Variants in DGKB observed in about 807,000 individuals in gnomAD.
DGKB encodes the protein 90 kDa diacylglycerol kinase.
DGKB carries 67 observed loss-of-function variants against 114.3 expected under a neutral mutation model. That is an observed-to-expected ratio of 0.59 (90% CI 0.48 to 0.72). The LOEUF (loss-of-function observed/expected upper bound fraction) is 0.72. Among genes scored for constraint, DGKB ranks in the 30% least tolerant of loss-of-function variants. The probability of loss-of-function intolerance (pLI) is 0.00; values close to 1 mark genes in which losing one functional copy is unlikely to be tolerated. For synonymous variants in DGKB, 398 were observed against 323.1 expected (o/e 1.23, Z -2.49); for missense variants, 907 against 975.2 (o/e 0.93, Z 0.93).
intron 23 of DGKB, among the ~76,000 whole-genome samples, chr7:14,295,521 T>C (rs539750813): frequency 2.4e-4 from 36 of 152,192 alleles, no homozygotes; most frequent in African/African-American, 8.7e-4. Context: ...TCCTTATATC[T>C]GTTTCCTGCC....
intron 23 of DGKB, among the ~76,000 whole-genome samples, chr7:14,335,495 G>C (rs1311056115): frequency 1.3e-5 from 2 of 152,048 alleles, no homozygotes; most frequent in Non-Finnish European, 2.9e-5. Context: ...AGAGGCATAT[G>C]AGAAACAGTG....
At chr7:14,555,831 C>A (rs576803125) in intron 20 of DGKB, among the ~76,000 whole-genome samples, 1 of 152,260 alleles carries the variant, frequency 6.6e-6, no homozygotes, top group African/African-American at 2.4e-5. Flanking sequence ...TTACAGTTGA[C>A]AAATGCCATG....
chr7:14,621,284 T>G lies in DGKB; in HGVS notation c.1284+94A>C, dbSNP rs182121573. 2,227 of 722,798 alleles carry G rather than the reference T, an allele frequency of 3.1e-3. 14 individuals are homozygous for G. Among genetic ancestry groups the G allele is most frequent in the South Asian group, 9.4e-3 (549 of 58,208 alleles). The allele number at this position is 722,798 out of a possible 1,614,324, so 44.8% of individuals were successfully genotyped here. On this transcript the variant is annotated intron_variant, in intron 15 of 25. Transcript: ENST00000402815. ...GAGTCTACTAAGCTAATATGCAGAT[T>G]AAACAAATGTGTTGATAGCTGAACA...
At chr7:14,447,302 C>T (rs1361524409) in intron 21 of DGKB, among the ~76,000 whole-genome samples, 1 of 152,052 alleles carries the variant, frequency 6.6e-6, no homozygotes, top group Non-Finnish European at 1.5e-5. Flanking sequence ...CTTAATAAAT[C>T]CTACTCTGTC....
At chr7:14,528,930 T>A (rs191764134) in intron 20 of DGKB, among the ~76,000 whole-genome samples, 5 of 151,924 alleles carry the variant, frequency 3.3e-5, no homozygotes, top group Non-Finnish European at 1.5e-5. Context: ...AAAAGGAAGG[T>A]CAAAAAAGAT....
rs1172638010 is a variant in DGKB at position 14,757,699 on chromosome 7, C to G, written c.103G>C (p.Glu35Gln). 10 of 1,605,714 alleles carry G rather than the reference C, an allele frequency of 6.2e-6. No homozygotes were observed. Among genetic ancestry groups the G allele is most frequent in the Admixed American group, 1.7e-5 (1 of 59,384 alleles). The change falls in exon 3 of 26, where the codon GAA becomes CAA. Residue 35 changes from glutamate to glutamine, a missense_variant. Glu to Gln is a conservative substitution (Grantham distance 29). Around this residue, in one of 3 missense-constraint regions of DGKB, gnomAD observed 814 missense variants for 856.6 expected, o/e 0.95. Coordinates refer to ENST00000402815, the MANE Select transcript of DGKB (RefSeq NM_001350709.2). ...GCAAGCACACCATTACCATGGAATTCTTCAAGAACATCCTTTAATTTCTTT... is the reference window on the plus strand; with the variant it reads ...GCAAGCACACCATTACCATGGAATTGTTCAAGAACATCCTTTAATTTCTTT... ...STKKLKDVLE[E>Q]FHGNGVLAKY...
At position 14,149,164 on chromosome 7, in the gene DGKB, G is replaced by T; in HGVS notation, c.2379C>A (p.Leu793=). The change falls in exon 26 of 26, where the codon CTC becomes CTA. Residue 793 remains leucine (L), a synonymous_variant. Transcript: ENST00000402815. ...PPPKTGLFCS[L]VKRTRNRSKE Reference sequence around the variant, plus strand: ...TGCTTCGGTTTCTTGTCCTTTTGACGAGGGAGCAGAATAAACCGGTTTTTG... The same window carrying T: ...TGCTTCGGTTTCTTGTCCTTTTGACTAGGGAGCAGAATAAACCGGTTTTTG... 1 of 1,613,488 alleles carries T rather than the reference G, an allele frequency of 6.2e-7. No homozygotes were observed. The highest frequency in any genetic ancestry group is 8.5e-7 in the Non-Finnish European group (1 of 1,179,544).
At chr7:14,149,293 T>C (rs1438413092) in intron 25 of DGKB, 55 bp from the exon 26 acceptor site, 2 of 1,309,804 alleles carry the variant, frequency 1.5e-6, no homozygotes, top group African/African-American at 2.9e-5. Flanking sequence ...TCCAGATAGA[T>C]ACAATACCAA....
intron 12 of DGKB, among the ~76,000 whole-genome samples, chr7:14,678,560 G>C (rs1386189119): frequency 6.6e-6 from 1 of 151,940 alleles, no homozygotes; most frequent in Non-Finnish European, 1.5e-5. Context: ...ATTATATACA[G>C]TTATGTTTAG....
chr7:14,935,724 C>T (rs959517780), intron 1 of DGKB, among the ~76,000 whole-genome samples: 2 of 152,002 alleles, frequency 1.3e-5, no homozygotes, highest in African/African-American at 4.8e-5. Flanking sequence ...CTCTTCTCTC[C>T]TTTCCTCTCC....
chr7:14,593,945 GACCA>G (rs1346975941), intron 17 of DGKB, among the ~76,000 whole-genome samples: 1 of 151,940 alleles, frequency 6.6e-6, no homozygotes, highest in Non-Finnish European at 1.5e-5. Flanking sequence ...ACTTTGAAAT[GACCA>G]ATCTGCCTTT....
chr7:14,349,809 T>G (rs1813123869), intron 21 of DGKB, among the ~76,000 whole-genome samples: 1 of 152,126 alleles, frequency 6.6e-6, no homozygotes, highest in Non-Finnish European at 1.5e-5. Context: ...ATGATTCACA[T>G]TAGAAAATGA....
intron 23 of DGKB, among the ~76,000 whole-genome samples, chr7:14,324,771 G>A (rs920249370): frequency 1.3e-5 from 2 of 151,956 alleles, no homozygotes; most frequent in Non-Finnish European, 2.9e-5. Flanking sequence ...GCGAGAACAA[G>A]ATACATATTC....
intron 13 of DGKB, among the ~76,000 whole-genome samples, chr7:14,671,484 A>G (rs998342996): frequency 3.3e-5 from 5 of 152,224 alleles, no homozygotes; most frequent in African/African-American, 1.2e-4. Flanking sequence ...AACAGCAATG[A>G]AAGATTTTTC....
chr7:14,675,382 T>C (rs764905935), intron 12 of DGKB, among the ~76,000 whole-genome samples: 51 of 152,006 alleles, frequency 3.4e-4, no homozygotes, highest in Non-Finnish European at 5.3e-4. Context: ...GGGTTACTGA[T>C]GTAAGAAAGG....
chr7:14,753,975 C>T (rs755205714), intron 3 of DGKB, 27 bp from the exon 4 acceptor site: 11 of 1,468,432 alleles, frequency 7.5e-6, no homozygotes, highest in Non-Finnish European at 9.4e-6. Context: ...AGAAAGAATA[C>T]ATGTGTTAAT....
At chr7:14,701,342 T>C (rs556185445) in intron 7 of DGKB, among the ~76,000 whole-genome samples, 8 of 152,242 alleles carry the variant, frequency 5.3e-5, no homozygotes, top group Non-Finnish European at 1.2e-4. Context: ...ATGTTACAGA[T>C]AGTTTTTCCC....
chr7:14,160,921 A>T (rs369947876), intron 25 of DGKB, among the ~76,000 whole-genome samples: 1 of 152,172 alleles, frequency 6.6e-6, no homozygotes, highest in Non-Finnish European at 1.5e-5. Context: ...GTACCAAAAC[A>T]GATATATAGA....
chr7:14,739,997 G>A (rs1241503275), intron 4 of DGKB, among the ~76,000 whole-genome samples: 4 of 152,284 alleles, frequency 2.6e-5, no homozygotes, highest in Admixed American at 6.5e-5. Context: ...ATGTACTTTC[G>A]GCATCCAACA....
Sources: allele counts gnomAD v4.1 joint callset (sites outside exome capture counted in the v4.1 genomes callset), GRCh38; gene constraint gnomAD v4.1.1; regional missense constraint gnomAD v4.1.1; transcripts MANE v1.5; gene names NCBI Gene and HGNC (gene_info 2026-07-23, HGNC 2026-07-21).